Variants in RBFOX1 observed in about 807,000 individuals in gnomAD.
The protein encoded by RBFOX1 is RNA binding protein fox-1 homolog 1.
In RBFOX1, 8 loss-of-function variants were observed where a neutral mutation model predicts 57.7. The observed-to-expected ratio is 0.14, with a 90% confidence interval of 0.08 to 0.25. The LOEUF (loss-of-function observed/expected upper bound fraction) is 0.25. RBFOX1 is among the 10% of genes least tolerant of loss of function. The pLI, the probability that RBFOX1 is intolerant of heterozygous loss-of-function variation, is 1.00. For synonymous variants in RBFOX1, 326 were observed against 222.4 expected (o/e 1.47, Z -4.15); for missense variants, 611 against 548.5 (o/e 1.11, Z -1.14).
intron 10 of RBFOX1, among the ~76,000 whole-genome samples, chr16:7,625,616 A>G (rs975524463): frequency 2.0e-5 from 3 of 152,122 alleles, no homozygotes; most frequent in African/African-American, 7.2e-5. Context: ...CTTGAAGCTA[A>G]TTGGCCACTC....
intron 4 of RBFOX1, among the ~76,000 whole-genome samples, chr16:7,121,905 G>T (rs1013387576): frequency 6.6e-6 from 1 of 151,200 alleles, no homozygotes; most frequent in Non-Finnish European, 1.5e-5. Context: ...TCTTAGAAAA[G>T]GTACAAAATC....
chr16:6,838,648 G>C lies in RBFOX1; in HGVS notation c.-16+183998G>C, dbSNP rs9922358. The stretch of plus-strand genomic sequence containing the variant: ...AGTTGCTGTCTAACACCACTGGTTT[G>C]TCCTAGAATTCTTTATTGGGCAAAG... On this transcript the variant is annotated intron_variant, in intron 3 of 15. Coordinates refer to ENST00000550418, the MANE Select transcript of RBFOX1 (RefSeq NM_018723.4). Among the ~76,000 whole-genome samples the C allele has an allele frequency of 8.1e-3, 1,236 of 152,278 alleles. 16 individuals are homozygous for C. The highest frequency in any genetic ancestry group is 0.028 in the African/African-American group (1,171 of 41,552).
intron 4 of RBFOX1, among the ~76,000 whole-genome samples, chr16:7,359,773 A>G (rs1021654530): frequency 6.6e-6 from 1 of 152,166 alleles, no homozygotes; most frequent in South Asian, 2.1e-4. Flanking sequence ...TCACAAGTTC[A>G]GGAGATCGAG....
chr16:7,121,014 A>T (rs146204513), intron 4 of RBFOX1, among the ~76,000 whole-genome samples: 194 of 152,102 alleles, frequency 1.3e-3, no homozygotes, highest in South Asian at 4.1e-3. Flanking sequence ...AAACTAACAC[A>T]TGACCCTGTA....
chr16:7,424,589 A>G (rs2046468805), intron 4 of RBFOX1, among the ~76,000 whole-genome samples: 1 of 152,160 alleles, frequency 6.6e-6, no homozygotes, highest in South Asian at 2.1e-4. Flanking sequence ...ATTAAATATG[A>G]GATTACTGGT....
intron 4 of RBFOX1, among the ~76,000 whole-genome samples, chr16:7,413,621 C>T (rs773868222): frequency 6.6e-6 from 1 of 152,040 alleles, no homozygotes; most frequent in Non-Finnish European, 1.5e-5. Flanking sequence ...TTTGCTTGTC[C>T]TCTTGCTATT....
intron 4 of RBFOX1, among the ~76,000 whole-genome samples, chr16:7,100,282 T>C (rs962723822): frequency 2.0e-5 from 3 of 152,136 alleles, no homozygotes; most frequent in South Asian, 2.1e-4. Context: ...ATTTCTCTTT[T>C]TAAAAAGAAC....
intron 3 of RBFOX1, among the ~76,000 whole-genome samples, chr16:6,858,029 T>C (rs921535072): frequency 6.6e-6 from 1 of 152,242 alleles, no homozygotes; most frequent in Non-Finnish European, 1.5e-5. Flanking sequence ...GCTTTTCTCT[T>C]CTACTCACAA....
intron 3 of RBFOX1, among the ~76,000 whole-genome samples, chr16:6,995,835 G>T (rs2092170208): frequency 6.6e-6 from 1 of 152,094 alleles, no homozygotes; most frequent in Admixed American, 6.6e-5. Context: ...ACTTGAGATT[G>T]GTTCAGATTT....
At position 6,903,876 on chromosome 16, in the gene RBFOX1, C is replaced by G. The variant is rs553274737; in HGVS notation, c.-15-148181C>G. ...TCATTACTTGGAAAGGGTGGTGAAGCTGGGAGCAAACAGCTTCTAGATCAA... is the reference window on the plus strand; with the variant it reads ...TCATTACTTGGAAAGGGTGGTGAAGGTGGGAGCAAACAGCTTCTAGATCAA... On this transcript the variant is annotated intron_variant, in intron 3 of 15. Coordinates refer to ENST00000550418, the MANE Select transcript of RBFOX1 (RefSeq NM_018723.4). Among the ~76,000 whole-genome samples the G allele has an allele frequency of 1.2e-4, 19 of 152,184 alleles. No individual in the cohort carries two copies. The East Asian group carries it at 3.1e-3, about 25-fold the overall frequency.
intron 14 of RBFOX1, among the ~76,000 whole-genome samples, 188 bp from the exon 15 acceptor site, chr16:7,708,868 G>C (rs1165118017): frequency 1.3e-5 from 2 of 152,152 alleles, no homozygotes; most frequent in Non-Finnish European, 2.9e-5. Flanking sequence ...TAGCAACCAT[G>C]TTAAATGCAC....
intron 1 of RBFOX1, among the ~76,000 whole-genome samples, chr16:5,283,843 T>G (rs1218633366): frequency 2.6e-5 from 4 of 152,050 alleles, no homozygotes; most frequent in African/African-American, 9.7e-5. Flanking sequence ...CAGTTAATGC[T>G]GAACTTAGTT....
At chr16:7,305,023 G>C (rs1475140488) in intron 4 of RBFOX1, among the ~76,000 whole-genome samples, 2 of 151,508 alleles carry the variant, frequency 1.3e-5, no homozygotes, top group Admixed American at 1.3e-4. Flanking sequence ...AATTTCTGGA[G>C]TGTGTCAGCC....
At chr16:7,137,784 T>A (rs1178433825) in intron 4 of RBFOX1, among the ~76,000 whole-genome samples, 1 of 152,136 alleles carries the variant, frequency 6.6e-6, no homozygotes, top group Non-Finnish European at 1.5e-5. Context: ...GGTCCTGGAG[T>A]AGAAACTCCA....
At chr16:6,570,333 A>G (rs2097327691) in intron 2 of RBFOX1, among the ~76,000 whole-genome samples, 1 of 152,184 alleles carries the variant, frequency 6.6e-6, no homozygotes, top group Non-Finnish European at 1.5e-5. Flanking sequence ...GCATAAGCAA[A>G]GGATTGTGTT....
chr16:7,085,315 C>G lies in RBFOX1; in HGVS notation c.27+33217C>G, dbSNP rs141048924. ...ACTCAGCACCGGCTCATGGTTATCACTTTGAAAATGTAGACCTTACCTTGC... is the reference window on the plus strand; with the variant it reads ...ACTCAGCACCGGCTCATGGTTATCAGTTTGAAAATGTAGACCTTACCTTGC... On this transcript the variant is annotated intron_variant, in intron 4 of 15. Transcript: ENST00000550418. 2.8e-3 allele frequency among the ~76,000 whole-genome samples: 421 copies of G among 152,236 alleles called. 2 individuals are homozygous for G. Among genetic ancestry groups the G allele is most frequent in the African/African-American group, 9.9e-3 (410 of 41,546 alleles).
intron 4 of RBFOX1, among the ~76,000 whole-genome samples, chr16:7,054,213 C>CGGCGGGGGGGGG (rs1345662627): frequency 7.9e-4 from 14 of 17,830 alleles, no homozygotes; most frequent in African/African-American, 6.0e-3. Flanking sequence ...TTTTTTTTTT[C>CGGCGGGGGGGGG]GGGGGGGGGG....
At chr16:6,645,493 T>C (rs2098526430) in intron 2 of RBFOX1, among the ~76,000 whole-genome samples, 1 of 152,142 alleles carries the variant, frequency 6.6e-6, no homozygotes, top group African/African-American at 2.4e-5. Flanking sequence ...CATCCTTGCA[T>C]TGTGGGCATG....
At chr16:5,812,479 G>T (rs1194488029) in intron 3 of RBFOX1, among the ~76,000 whole-genome samples, 11 of 138,154 alleles carry the variant, frequency 8.0e-5, no homozygotes, top group Admixed American at 3.0e-4. Flanking sequence ...TTTTTTCAGA[G>T]TTGGGGTCTC....
Sources: allele counts gnomAD v4.1 joint callset (sites outside exome capture counted in the v4.1 genomes callset), GRCh38; gene constraint gnomAD v4.1.1; transcripts MANE v1.5; gene names NCBI Gene and HGNC (gene_info 2026-07-23, HGNC 2026-07-21).